Variants in TUFT1 observed in about 807,000 individuals in gnomAD.
TUFT1 encodes tuftelin.
Under a neutral mutation model 57.8 loss-of-function variants are expected in TUFT1, and 43 were observed. That is an observed-to-expected ratio of 0.74 (90% CI 0.58 to 0.96). TUFT1 has a LOEUF of 0.96. TUFT1 is among the 40% of genes least tolerant of loss of function. TUFT1 has a pLI of 0.00. For synonymous variants in TUFT1, 166 were observed against 176.7 expected, an observed-to-expected ratio of 0.94 and a Z score of 0.48; for missense variants, 459 against 489.0, an observed-to-expected ratio of 0.94 and a Z score of 0.58.
chr1:151,565,913 T>C (rs963372850), intron 5 of TUFT1: 5 of 409,560 alleles, frequency 1.2e-5, no homozygotes, highest in Non-Finnish European at 1.8e-5. Context: ...CCACCCCCTC[T>C]TGTTTCTATT....
At chr1:151,559,312 A>G (rs1665809173) in intron 1 of TUFT1, among the ~76,000 whole-genome samples, 1 of 152,240 alleles carries the variant, frequency 6.6e-6, no homozygotes, top group South Asian at 2.1e-4. Flanking sequence ...AACACAAATA[A>G]CTGAGAGGCA....
intron 1 of TUFT1, chr1:151,540,650 T>A (rs943168592): frequency 1.8e-6 from 1 of 568,278 alleles, no homozygotes; most frequent in African/African-American, 1.9e-5. Context: ...GTCCCTGCCC[T>A]TTGGTAGGAC....
intron 1 of TUFT1, among the ~76,000 whole-genome samples, chr1:151,552,244 C>G (rs1231762231): frequency 2.0e-5 from 3 of 152,090 alleles, no homozygotes; most frequent in Non-Finnish European, 4.4e-5. Context: ...TTATTCTACT[C>G]TTGCTGAACA....
chr1:151,541,910 G>C (rs1320116496), intron 1 of TUFT1, among the ~76,000 whole-genome samples: 1 of 152,150 alleles, frequency 6.6e-6, no homozygotes, highest in Admixed American at 6.6e-5. Flanking sequence ...CTCTTCACGG[G>C]TGCAATCATA....
chr1:151,569,607 T>G (rs1293208571), intron 6 of TUFT1, 50 bp from the exon 7 acceptor site: 7 of 1,525,634 alleles, frequency 4.6e-6, no homozygotes, highest in Non-Finnish European at 6.4e-6. Context: ...CTTTTCTTAC[T>G]GAGTCAGAAA....
At chr1:151,570,197 A>G (rs1238001753) in intron 7 of TUFT1, among the ~76,000 whole-genome samples, 1 of 152,172 alleles carries the variant, frequency 6.6e-6, no homozygotes, top group East Asian at 1.9e-4. Flanking sequence ...GGACTGGATG[A>G]GTGACTAAAT....
intron 1 of TUFT1, chr1:151,561,866 G>A (rs777319685): frequency 3.3e-6 from 5 of 1,500,732 alleles, no homozygotes; most frequent in Non-Finnish European, 4.4e-6. Flanking sequence ...GGTAATCTTT[G>A]TTGTGAAAGA....
chr1:151,544,299 G>A (rs1665263781), intron 1 of TUFT1, among the ~76,000 whole-genome samples: 1 of 151,330 alleles, frequency 6.6e-6, no homozygotes, highest in African/African-American at 2.4e-5. Context: ...CCTTTTTTTT[G>A]GGCGGTGGGA....
chr1:151,561,819 G>C, intron 1 of TUFT1: 1 of 1,442,190 alleles, frequency 6.9e-7, no homozygotes, highest in Non-Finnish European at 9.2e-7. Context: ...CCAAGAACCA[G>C]GGTAGCCCTG....
intron 11 of TUFT1, 52 bp from the exon 12 acceptor site, chr1:151,580,890 C>T (rs757394347): frequency 2.0e-5 from 31 of 1,542,904 alleles, no homozygotes; most frequent in Non-Finnish European, 2.8e-5. Context: ...CTGAACGTGG[C>T]ACCCGGGAAG....
At chr1:151,543,178 T>G (rs10158855) in intron 1 of TUFT1, among the ~76,000 whole-genome samples, 55,930 of 151,888 alleles carry the variant, frequency 0.37, 10,624 homozygotes, top group Non-Finnish European at 0.41. Context: ...GGAGCCAGTG[T>G]TTTTCAGAAC....
intron 7 of TUFT1, among the ~76,000 whole-genome samples, chr1:151,572,831 C>T (rs1335265430): frequency 1.3e-5 from 2 of 152,178 alleles, no homozygotes; most frequent in African/African-American, 4.8e-5. Flanking sequence ...CGTACTTTCT[C>T]CTCCCCAGTT....
chr1:151,562,243 G>A, intron 2 of TUFT1, 78 bp downstream of exon 2: 2 of 1,303,326 alleles, frequency 1.5e-6, no homozygotes, highest in South Asian at 1.3e-5. Flanking sequence ...CCCAAGTACT[G>A]CCTGGAGCCG....
intron 1 of TUFT1, among the ~76,000 whole-genome samples, chr1:151,554,028 CCTTT>C (rs140460566): frequency 0.32 from 48,557 of 151,682 alleles, 8,711 homozygotes; most frequent in East Asian, 0.62. Context: ...TGGCTGTCTC[CCTTT>C]CTTTCTTTAA....
chr1:151,545,932 G>A (rs576655847), intron 1 of TUFT1: 126 of 514,732 alleles, frequency 2.4e-4, no homozygotes, highest in Non-Finnish European at 4.5e-4. Flanking sequence ...GGCAGCTGGT[G>A]TCCCCTGCTG....
chr1:151,555,173 C>T (rs1472802975), intron 1 of TUFT1, among the ~76,000 whole-genome samples: 1 of 150,538 alleles, frequency 6.6e-6, no homozygotes, highest in Non-Finnish European at 1.5e-5. Context: ...ATCAAAAATA[C>T]AAAAACTTAG....
chr1:151,574,224 G>C, intron 7 of TUFT1, 46 bp from the exon 8 acceptor site: 1 of 1,572,898 alleles, frequency 6.4e-7, no homozygotes, highest in Non-Finnish European at 8.6e-7. Context: ...TTCCATGTTT[G>C]CTCTTTTTTC....
intron 1 of TUFT1, among the ~76,000 whole-genome samples, chr1:151,548,970 G>T (rs577903162): frequency 2.0e-5 from 3 of 151,992 alleles, no homozygotes; most frequent in Non-Finnish European, 2.9e-5. Context: ...CTGCTGTGGC[G>T]TCTTGATCTC....
intron 7 of TUFT1, among the ~76,000 whole-genome samples, chr1:151,573,942 T>C (rs1666355297): frequency 6.6e-6 from 1 of 152,112 alleles, no homozygotes; most frequent in African/African-American, 2.4e-5. Flanking sequence ...AGCCACAACA[T>C]TGGGTTAAGC....
Sources: gnomAD v4.1 joint callset for allele counts (sites outside exome capture counted in the v4.1 genomes callset) on GRCh38, gnomAD v4.1.1 for gene constraint, MANE v1.5 for transcripts, NCBI Gene and HGNC (gene_info 2026-07-23, HGNC 2026-07-21) for gene names.